The following CENPT variants were observed in gnomAD, a reference collection of about 807,000 sequenced individuals.
The protein encoded by CENPT is interphase centromere complex protein 22.
A neutral mutation model predicts 59.7 loss-of-function variants in CENPT; 42 were observed. The ratio of observed to expected loss-of-function variants is 0.70; its 90% CI spans 0.55 to 0.91. The LOEUF (loss-of-function observed/expected upper bound fraction) is 0.91, where lower values mean the gene tolerates loss of function less well. Among genes scored for constraint, CENPT ranks in the 40% least tolerant of loss-of-function variants. The pLI is 0.00. For synonymous variants in CENPT, 295 were observed against 289.6 expected (o/e 1.02, Z -0.19); for missense variants, 716 against 713.4 (o/e 1.00, Z -0.04).
At chr16:67,840,803 A>C (rs1350551598) in intron 1 of CENPT, among the ~76,000 whole-genome samples, 1 of 151,866 alleles carries the variant, frequency 6.6e-6, no homozygotes, top group Non-Finnish European at 1.5e-5. Context: ...CAGGTAATTC[A>C]CCTGGAGAAC....
At position 67,834,114 on chromosome 16, in the gene CENPT, T is replaced by G. The variant is rs1598145459; in HGVS notation, c.-241-14A>C. 2.4e-6 allele frequency: 1 copy of G among 418,390 alleles called. No homozygotes were observed. Among genetic ancestry groups the G allele is most frequent in the Admixed American group, 4.5e-5 (1 of 22,230 alleles). 25.9% of individuals were successfully genotyped at this position (418,390 alleles called of 1,614,324 possible). On this transcript the variant is annotated splice_polypyrimidine_tract_variant and intron_variant, in intron 3 of 15. Coordinates refer to ENST00000562787, the MANE Select transcript of CENPT (RefSeq NM_025082.4). ...TGGCTTCTTCATCTGTAAATTGAGGTTGATACCCACCTGATAAGGAGCTTG... is the reference window on the plus strand; with the variant it reads ...TGGCTTCTTCATCTGTAAATTGAGGGTGATACCCACCTGATAAGGAGCTTG...
Position 67,843,737 on chromosome 16 carries a change from AGTTATT to A in CENPT, c.-492+3658_-492+3663del. 1 of 492,456 alleles carries A rather than the reference AGTTATT, an allele frequency of 2.0e-6. No homozygotes were observed. Among genetic ancestry groups the A allele is most frequent in the South Asian group, 3.3e-5 (1 of 30,320 alleles). 30.5% of individuals were successfully genotyped at this position (492,456 alleles called of 1,614,324 possible). ...ATGACTTTGTCTACCCTTCCTCCCC[AGTTATT>A]GTTGCAGATTCTGGTTAAGCAGAGG... On this transcript the variant is annotated intron_variant, in intron 1 of 15. Transcript: ENST00000562787. The surrounding 1 kb of genome is among the most constrained non-coding windows in gnomAD (Gnocchi z 5.7).
chr16:67,832,929 A>G (rs2057707476), intron 4 of CENPT, among the ~76,000 whole-genome samples: 1 of 152,164 alleles, frequency 6.6e-6, no homozygotes, highest in Non-Finnish European at 1.5e-5. Context: ...GTATTTTAAA[A>G]TCTTTTAAGA....
chr16:67,834,164 A>G (rs1731484686), intron 3 of CENPT, 64 bp from the exon 4 acceptor site: 1 of 314,834 alleles, frequency 3.2e-6, no homozygotes, highest in Non-Finnish European at 5.9e-6. Context: ...GTTGATGTTT[A>G]ACTCAGAGTC....
chr16:67,828,369 T>C lies in CENPT; in HGVS notation c.1584A>G (p.Gln528=). The part of the protein sequence containing the change: ...LMRRQGLVTD[Q]VSLHVLVERH... ...GCTCCACTAGCACGTGCAGTGAGAC[T>C]TGGTCAGTGACCAGGCCCTGCCTGC... is the stretch of plus-strand genomic sequence containing the variant. Residue 528 remains glutamine (Q), a synonymous_variant, in exon 16 of 16, where the codon CAA becomes CAG. Coordinates refer to ENST00000562787, the MANE Select transcript of CENPT (RefSeq NM_025082.4). 9.9e-6 allele frequency: 16 copies of C among 1,610,480 alleles called. No individual in the cohort carries two copies. Among genetic ancestry groups the C allele is most frequent in the Non-Finnish European group, 1.3e-5 (15 of 1,177,270 alleles).
In CENPT at chr16:67,842,905, G is replaced by GCAGCAGCAGCAGCAA. The variant is rs751220963; in HGVS notation, c.-492+4481_-492+4495dup. 13 of 1,559,792 alleles carry GCAGCAGCAGCAGCAA rather than the reference G, an allele frequency of 8.3e-6. No homozygotes were observed. Among genetic ancestry groups the GCAGCAGCAGCAGCAA allele is most frequent in the African/African-American group, 4.6e-5 (3 of 65,788 alleles). On this transcript the variant is annotated intron_variant, in intron 1 of 15. Coordinates refer to ENST00000562787, the MANE Select transcript of CENPT (RefSeq NM_025082.4). This position sits in a 1 kb window ranked among gnomAD's most constrained non-coding sequence, Gnocchi z 4.9. ...AGCAGCAGCAGCAACAGCAGCAACA[G>GCAGCAGCAGCAGCAA]CAGCAGCAGCAGCAACAGCAGCAGC...
At position 67,844,517 on chromosome 16, in the gene CENPT, G is replaced by A. The variant is rs115294712; in HGVS notation, c.-492+2884C>T. 3.9e-3 allele frequency among the ~76,000 whole-genome samples: 599 copies of A among 152,292 alleles called. 6 individuals carry two copies. Among genetic ancestry groups the A allele is most frequent in the African/African-American group, 0.013 (550 of 41,560 alleles). ...ATATTGTGATAGTTCGCCTCTGAGG[G>A]TTTCAATTCTCAGCTGGGATTGAAT... On this transcript the variant is annotated intron_variant, in intron 1 of 15. Transcript: ENST00000562787.
At chr16:67,846,343 T>A (rs1388001257) in intron 1 of CENPT, among the ~76,000 whole-genome samples, 1 of 152,258 alleles carries the variant, frequency 6.6e-6, no homozygotes, top group African/African-American at 2.4e-5. Context: ...GAGGGACATT[T>A]GAGTCTCCGG....
In CENPT at chr16:67,842,182, C is replaced by G. The variant is rs1025875663; in HGVS notation, c.-492+5219G>C. The G allele has an allele frequency of 6.6e-6, 1 of 152,582 alleles. No homozygotes were observed. The highest frequency in any genetic ancestry group is 2.4e-5 in the African/African-American group (1 of 41,490). The allele number at this position is 152,582 out of a possible 1,614,324, so 9.5% of individuals were successfully genotyped here. ...GGACAAGACGGGCTGGGGAAAGAAT[C>G]TGCTCTTCGGAGGCTATCGCAGTGC... On this transcript the variant is annotated intron_variant, in intron 1 of 15. Coordinates refer to ENST00000562787, the MANE Select transcript of CENPT (RefSeq NM_025082.4). This position sits in a 1 kb window ranked among gnomAD's most constrained non-coding sequence, Gnocchi z 4.9.
intron 7 of CENPT, 26 bp from the exon 8 acceptor site, chr16:67,831,916 C>A: frequency 6.2e-7 from 1 of 1,606,708 alleles, no homozygotes; most frequent in Non-Finnish European, 8.5e-7. Flanking sequence ...TTATCTCAGA[C>A]AGGCCAGGAA....
At chr16:67,841,006 AATACATAT>A (rs1465153043) in intron 1 of CENPT, among the ~76,000 whole-genome samples, 10 of 66,458 alleles carry the variant, frequency 1.5e-4, no homozygotes, top group African/African-American at 8.6e-4. Flanking sequence ...CTAAATACAA[AATACATAT>A]ATATATATAT....
chr16:67,845,282 G>A (rs1168276152), intron 1 of CENPT, among the ~76,000 whole-genome samples: 2 of 152,144 alleles, frequency 1.3e-5, no homozygotes, highest in African/African-American at 2.4e-5. Flanking sequence ...CTTACTTATG[G>A]ACAAAGCCAT....
At chr16:67,833,413 T>C (rs561714893) in intron 4 of CENPT, among the ~76,000 whole-genome samples, 4 of 152,218 alleles carry the variant, frequency 2.6e-5, no homozygotes, top group African/African-American at 9.6e-5. Flanking sequence ...TCTGAACCCC[T>C]ATCCTCCATC....
At chr16:67,845,213 G>A (rs2057789258) in intron 1 of CENPT, among the ~76,000 whole-genome samples, 1 of 152,216 alleles carries the variant, frequency 6.6e-6, no homozygotes, top group Non-Finnish European at 1.5e-5. Context: ...GGTTTACTGT[G>A]GGTGGTGGGG....
chr16:67,832,607 C>A, intron 4 of CENPT, 62 bp from the exon 5 acceptor site: 1 of 1,448,592 alleles, frequency 6.9e-7, no homozygotes, highest in Middle Eastern at 1.8e-4. Context: ...AATATAGAGA[C>A]ATGCCTTCAT....
rs377516180 is a variant in CENPT at position 67,842,920 on chromosome 16, ACAGCAG to A, written c.-492+4475_-492+4480del. 1,063 of 1,552,454 alleles carry A rather than the reference ACAGCAG, an allele frequency of 6.8e-4. No individual in the cohort carries two copies. Among genetic ancestry groups the A allele is most frequent in the Middle Eastern group, 1.7e-3 (10 of 5,764 alleles). ...AGCAGCAACAGCAGCAGCAGCAGCA[ACAGCAG>A]CAGCAGCAGCAGCAGCAGCAGCAGT... On this transcript the variant is annotated intron_variant, in intron 1 of 15. Transcript: ENST00000562787. The surrounding 1 kb of genome is among the most constrained non-coding windows in gnomAD (Gnocchi z 4.9).
intron 1 of CENPT, among the ~76,000 whole-genome samples, chr16:67,839,926 C>T (rs930777033): frequency 2.0e-5 from 3 of 152,056 alleles, no homozygotes; most frequent in African/African-American, 7.2e-5. Flanking sequence ...ACGTTTATAC[C>T]GTTGTATAAA....
At chr16:67,832,650 G>A in intron 4 of CENPT, 105 bp from the exon 5 acceptor site, 1 of 1,002,658 alleles carries the variant, frequency 1.0e-6, no homozygotes, top group Non-Finnish European at 1.5e-6. Context: ...TTTTCCCTCA[G>A]GGCTAGGGAC....
At chr16:67,831,943 T>C in intron 7 of CENPT, 53 bp from the exon 8 acceptor site, 1 of 1,591,300 alleles carries the variant, frequency 6.3e-7, no homozygotes, top group Non-Finnish European at 8.5e-7. Context: ...TTCTGGCTTT[T>C]GCAACCCCCA....
Sources: allele counts gnomAD v4.1 joint callset (sites outside exome capture counted in the v4.1 genomes callset), GRCh38; gene constraint gnomAD v4.1.1; non-coding constraint Gnocchi (gnomAD v3.1); transcripts MANE v1.5; gene names NCBI Gene and HGNC (gene_info 2026-07-23, HGNC 2026-07-21).